SLC28A1: variants seen among roughly 807,000 people sequenced by gnomAD.
SLC28A1 encodes sodium/nucleoside cotransporter 1.
A neutral mutation model predicts 74.8 loss-of-function variants in SLC28A1; 64 were observed. The observed-to-expected ratio is 0.86, with a 90% CI of 0.70 to 1.05. The LOEUF (loss-of-function observed/expected upper bound fraction) is 1.05, where lower values mean the gene tolerates loss of function less well. Among genes scored for constraint, SLC28A1 ranks in the 50% least tolerant of loss-of-function variants. SLC28A1 has a pLI of 0.00. For synonymous variants in SLC28A1, 359 were observed against 335.0 expected, an observed-to-expected ratio of 1.07 and a Z score of -0.78; for missense variants, 828 against 822.8, an observed-to-expected ratio of 1.01 and a Z score of -0.08.
intron 9 of SLC28A1, among the ~76,000 whole-genome samples, chr15:84,909,007 A>G (rs1293332263): frequency 1.4e-5 from 2 of 145,944 alleles, no homozygotes; most frequent in Admixed American, 7.1e-5. Context: ...ATATTTTGTA[A>G]AATTTGCAAA....
chr15:84,918,442 G>C, intron 9 of SLC28A1, 82 bp from the exon 10 acceptor site: 3 of 1,013,250 alleles, frequency 3.0e-6, no homozygotes, highest in East Asian at 4.7e-5. Flanking sequence ...GGAGTGGGCT[G>C]TCTGGGGTCT....
the SLC28A1 span, among the ~76,000 whole-genome samples, chr15:84,965,777 C>G: frequency 6.6e-6 from 1 of 152,098 alleles, no homozygotes; most frequent in Non-Finnish European, 1.5e-5. Flanking sequence ...TGGTCACATT[C>G]TCCATCCCTT....
intron 10 of SLC28A1, among the ~76,000 whole-genome samples, chr15:84,920,602 G>T (rs887858899): frequency 2.0e-5 from 3 of 152,116 alleles, no homozygotes; most frequent in Admixed American, 2.0e-4. Flanking sequence ...AAATAATTTA[G>T]GGAAACTAGG....
rs375157282 is a variant in SLC28A1, at chr15:84,944,793, C to T, written c.1800C>T (p.Cys600=). The T allele has an allele frequency of 1.2e-6, 2 of 1,614,098 alleles. No homozygotes were observed. Among genetic ancestry groups the T allele is most frequent in the Non-Finnish European group, 1.7e-6 (2 of 1,179,936 alleles). Residue 600 remains cysteine (C), a synonymous_variant, in exon 18 of 19, where the codon TGC becomes TGT. Coordinates refer to ENST00000394573, the MANE Select transcript of SLC28A1 (RefSeq NM_004213.5). ...TGCCCAGGGGGGCTGAAGTTGACTG[C>T]ATGTCCCTCTTGAACACGACCCTCA... is the stretch of plus-strand genomic sequence containing the variant. The part of the protein sequence containing the change: ...LYMPRGAEVD[C]MSLLNTTLSS...
rs1250943421 is a variant in SLC28A1 at position 84,906,512 on chromosome 15, GTTTGTTTGTTTGTTTGTTTCTTTCTTTC to G, written c.717+864_717+891del. On this transcript the variant is annotated intron_variant, in intron 8 of 18. Transcript: ENST00000394573. ...TAATTAAAACATGGTTTGTTTGTTT[GTTTGTTTGTTTGTTTGTTTCTTTCTTTC>G]TTTCTTTCTTTCTTTCTTTCTTTCT... is the stretch of plus-strand genomic sequence containing the variant. Among the ~76,000 whole-genome samples, 250 of 65,150 alleles carry G rather than the reference GTTTGTTTGTTTGTTTGTTTCTTTCTTTC, an allele frequency of 3.8e-3. 8 individuals are homozygous for G. The highest frequency in any genetic ancestry group is 0.018 in the Middle Eastern group (2 of 112). 42.7% of individuals were successfully genotyped at this position (65,150 alleles called of 152,430 possible). A position where few individuals can be genotyped will look rare whatever the true frequency, so the allele number is the denominator to read the frequency against.
intron 6 of SLC28A1, among the ~76,000 whole-genome samples, chr15:84,897,563 C>G (rs1046939014): frequency 2.0e-5 from 3 of 152,204 alleles, no homozygotes; most frequent in African/African-American, 4.8e-5. Context: ...TTAATACATT[C>G]ATATAATTTG....
chr15:84,952,216 C>T, the SLC28A1 span, among the ~76,000 whole-genome samples: 1 of 152,200 alleles, frequency 6.6e-6, no homozygotes, highest in South Asian at 2.1e-4. Flanking sequence ...CAAAAAAGAA[C>T]AAGGAAGAGA....
chr15:84,907,155 G>A (rs1196998347), intron 8 of SLC28A1, among the ~76,000 whole-genome samples: 2 of 152,206 alleles, frequency 1.3e-5, no homozygotes, highest in Non-Finnish European at 2.9e-5. Flanking sequence ...TGATTTTTTG[G>A]AAGGTCAGAA....
In SLC28A1 at chr15:84,935,465, C is replaced by T. The variant is rs2242047; in HGVS notation, c.1528C>T (p.Arg510Cys). 56,642 of 1,614,108 alleles carry T rather than the reference C, an allele frequency of 0.035. 3,993 individuals carry two copies. The East Asian group carries it at 0.35, about 10-fold the overall frequency. Residue 510 changes from arginine to cysteine, a missense_variant, in exon 15 of 19, where the codon CGC (arginine) becomes TGC (cysteine). Coordinates refer to ENST00000394573, the MANE Select transcript of SLC28A1 (RefSeq NM_004213.5). ...TCAAGACCTCTCCAAGTACAAGCAA[C>T]GCCGCCTGGCAGGGGCCGAGGAGTG... ...AYQDLSKYKQRRLAGAEEWVG... is the reference protein window; with the variant it reads ...AYQDLSKYKQCRLAGAEEWVG...
At position 84,889,417 on chromosome 15, in the gene SLC28A1, G is replaced by A. The variant is rs550015408; in HGVS notation, c.185+557G>A. 2.0e-3 allele frequency among the ~76,000 whole-genome samples: 297 copies of A among 152,232 alleles called. 2 individuals carry two copies. Among genetic ancestry groups the A allele is most frequent in the Non-Finnish European group, 3.3e-3 (227 of 67,980 alleles). On this transcript the variant is annotated intron_variant, in intron 4 of 18. Coordinates refer to ENST00000394573, the MANE Select transcript of SLC28A1 (RefSeq NM_004213.5). ...GGGCAGGGGGTGGTGGTGGGGGAGGGATTCCGTCTCTCTGCCTGGGCAGGG... is the reference window on the plus strand; with the variant it reads ...GGGCAGGGGGTGGTGGTGGGGGAGGAATTCCGTCTCTCTGCCTGGGCAGGG...
the SLC28A1 span, among the ~76,000 whole-genome samples, chr15:84,967,392 G>A: frequency 1.3e-5 from 2 of 152,118 alleles, no homozygotes; most frequent in Non-Finnish European, 2.9e-5. Flanking sequence ...TTAGCAAAAG[G>A]GTTTCCTTCC....
chr15:84,886,112 C>T, intron 1 of SLC28A1: 1 of 984,708 alleles, frequency 1.0e-6, no homozygotes, highest in Non-Finnish European at 1.2e-6. Flanking sequence ...CAGCCCTTCG[C>T]TTTGCACACC....
chr15:84,928,803 A>G (rs778715837), intron 12 of SLC28A1, among the ~76,000 whole-genome samples: 1 of 151,314 alleles, frequency 6.6e-6, no homozygotes, highest in Non-Finnish European at 1.5e-5. Context: ...GTGTATTTTT[A>G]GTAGAGACAG....
intron 15 of SLC28A1, among the ~76,000 whole-genome samples, chr15:84,935,951 GTT>G (rs1262653065): frequency 1.0e-4 from 4 of 38,766 alleles, no homozygotes; most frequent in Admixed American, 8.5e-4. Flanking sequence ...TTTGGTTTTT[GTT>G]TTTTTTTTTT....
In SLC28A1 at chr15:84,933,224, A is replaced by T. The variant is rs1367014662; in HGVS notation, c.1163A>T (p.Glu388Val). The T allele has an allele frequency of 2.5e-6, 4 of 1,613,634 alleles. No homozygotes were observed. The highest frequency in any genetic ancestry group is 3.4e-6 in the Non-Finnish European group (4 of 1,179,852). The change falls in exon 13 of 19, where the codon GAG becomes GTG. Residue 388 changes from glutamate (E) to valine (V), a missense_variant. Coordinates refer to ENST00000394573, the MANE Select transcript of SLC28A1 (RefSeq NM_004213.5). ...GCCCTCTCCAAGCTGGTCTACCCGG[A>T]GGTGGAGGAGTCCAAGTTTAGGAGG... ...ALALSKLVYP[E>V]VEESKFRREE...
At chr15:84,889,076 A>G (rs1425878879) in intron 4 of SLC28A1, among the ~76,000 whole-genome samples, 1 of 152,106 alleles carries the variant, frequency 6.6e-6, no homozygotes, top group Admixed American at 6.5e-5. Flanking sequence ...GCTGAAACGA[A>G]ATCCCATCAG....
At position 84,925,642 on chromosome 15, in the gene SLC28A1, G is replaced by A. The variant is rs28459719; in HGVS notation, c.1083+1532G>A. ...GATGGGGGTGGAACCAGCATACTGC[G>A]TTGCAACAGGCCTCACAGGTGATTC... On this transcript the variant is annotated intron_variant, in intron 12 of 18. Transcript: ENST00000394573. Among the ~76,000 whole-genome samples the A allele has an allele frequency of 8.4e-3, 1,271 of 152,148 alleles. 22 individuals are homozygous for A. Among genetic ancestry groups the A allele is most frequent in the African/African-American group, 0.029 (1,221 of 41,518 alleles).
At chr15:84,953,382 C>T in the SLC28A1 span, among the ~76,000 whole-genome samples, 2 of 152,318 alleles carry the variant, frequency 1.3e-5, no homozygotes, top group Admixed American at 1.3e-4. Flanking sequence ...CTCTCAACAG[C>T]TGGTGGGTTT....
chr15:84,972,783 A>T, the SLC28A1 span, among the ~76,000 whole-genome samples: 2 of 152,262 alleles, frequency 1.3e-5, no homozygotes, highest in Admixed American at 6.5e-5. Flanking sequence ...AATGTGAAAT[A>T]ACAAATGCCC....
Sources: gnomAD v4.1 joint callset for allele counts (sites outside exome capture counted in the v4.1 genomes callset) on GRCh38, gnomAD v4.1.1 for gene constraint, MANE v1.5 for transcripts, NCBI Gene and HGNC (gene_info 2026-07-23, HGNC 2026-07-21) for gene names.